Variants in ACVR1C observed in about 807,000 individuals in gnomAD.
The protein encoded by ACVR1C is activin receptor type-1C.
In ACVR1C, 23 loss-of-function variants were observed where a neutral mutation model predicts 57.9. That is an observed-to-expected ratio of 0.40 (90% CI 0.29 to 0.56). The LOEUF is 0.56. Ranked by LOEUF, ACVR1C falls within the 20% of genes least tolerant of loss-of-function variation. ACVR1C has a pLI of 0.50. For synonymous variants in ACVR1C, 214 were observed against 215.3 expected, an observed-to-expected ratio of 0.99 and a Z score of 0.05; for missense variants, 480 against 607.9, an observed-to-expected ratio of 0.79 and a Z score of 2.21.
chr2:157,609,412 C>T (rs1573953422), intron 1 of ACVR1C, among the ~76,000 whole-genome samples: 1 of 151,946 alleles, frequency 6.6e-6, no homozygotes, highest in African/African-American at 2.4e-5. Flanking sequence ...GAAGAATGTG[C>T]CATGTGTTGA....
At chr2:157,562,035 G>A (rs1369966289) in intron 2 of ACVR1C, among the ~76,000 whole-genome samples, 5 of 152,124 alleles carry the variant, frequency 3.3e-5, no homozygotes, top group Non-Finnish European at 5.9e-5. Flanking sequence ...GGTGGCTCAC[G>A]CCTGTAATCC....
At chr2:157,584,328 T>C (rs1306773784) in intron 2 of ACVR1C, among the ~76,000 whole-genome samples, 2 of 152,094 alleles carry the variant, frequency 1.3e-5, no homozygotes, top group African/African-American at 4.8e-5. Flanking sequence ...ATGGTCTCGA[T>C]CTCCCGACCT....
intron 4 of ACVR1C, among the ~76,000 whole-genome samples, chr2:157,545,242 T>G (rs1293258361): frequency 1.3e-5 from 2 of 152,242 alleles, no homozygotes; most frequent in African/African-American, 2.4e-5. Flanking sequence ...AAAACTTTTC[T>G]ACATATTAGT....
intron 1 of ACVR1C, among the ~76,000 whole-genome samples, chr2:157,612,880 C>T (rs999973867): frequency 6.6e-6 from 1 of 152,168 alleles, no homozygotes; most frequent in Admixed American, 6.5e-5. Flanking sequence ...GTTACCAGGG[C>T]AGGATGAATC....
intron 1 of ACVR1C, among the ~76,000 whole-genome samples, chr2:157,615,771 A>G (rs1682632470): frequency 6.6e-6 from 1 of 152,204 alleles, no homozygotes; most frequent in African/African-American, 2.4e-5. Flanking sequence ...ACTTTATTGC[A>G]ATAGGACTGT....
chr2:157,566,419 C>T (rs1008994812), intron 2 of ACVR1C, among the ~76,000 whole-genome samples: 9 of 152,180 alleles, frequency 5.9e-5, no homozygotes, highest in South Asian at 2.1e-4. Context: ...ACGCAGAAGA[C>T]GGGTGATTTC....
intron 8 of ACVR1C, 58 bp downstream of exon 8, chr2:157,538,515 C>T: frequency 7.0e-7 from 1 of 1,424,116 alleles, no homozygotes; most frequent in Non-Finnish European, 9.3e-7. Flanking sequence ...TGAAAAGTCT[C>T]CCCGATACTC....
intron 2 of ACVR1C, among the ~76,000 whole-genome samples, chr2:157,579,414 AC>A (rs1483296968): frequency 6.6e-6 from 1 of 152,026 alleles, no homozygotes; most frequent in Non-Finnish European, 1.5e-5. Flanking sequence ...TTGTTCTTAA[AC>A]CTATCCCTAA....
rs751722811 is a variant in ACVR1C at position 157,556,204 on chromosome 2, T to G, written c.433A>C (p.Lys145Gln). The part of the protein sequence containing the change: ...ACQGRQCSYR[K>Q]KKRPNVEEPL... ...TCCTCCACATTTGGTCTCTTTTTCT[T>G]CCTGTAGGAGCACTGTCGACCCTGG... Residue 145 changes from lysine to glutamine, a missense_variant, in exon 3 of 9, where the codon AAG (lysine) becomes CAG (glutamine). Physicochemically the swap from Lys to Gln is moderately conservative, Grantham distance 53 (BLOSUM62 1). Transcript: ENST00000243349. 13 of 1,614,088 alleles carry G rather than the reference T, an allele frequency of 8.1e-6. No homozygotes were observed. The highest frequency in any genetic ancestry group is 1.1e-5 in the Non-Finnish European group (13 of 1,179,976).
intron 1 of ACVR1C, chr2:157,597,456 G>A: frequency 1.0e-6 from 1 of 985,460 alleles, no homozygotes; most frequent in Non-Finnish European, 1.2e-6. Context: ...GGGACACCCT[G>A]CGGTCGCCGG....
intron 1 of ACVR1C, among the ~76,000 whole-genome samples, chr2:157,591,536 A>G (rs1689054671): frequency 6.6e-6 from 1 of 152,078 alleles, no homozygotes; most frequent in East Asian, 1.9e-4. Flanking sequence ...TAATGTTAAG[A>G]AACTTGCTGC....
At chr2:157,555,498 A>C (rs1457956503) in intron 3 of ACVR1C, among the ~76,000 whole-genome samples, 1 of 152,196 alleles carries the variant, frequency 6.6e-6, no homozygotes, top group Non-Finnish European at 1.5e-5. Flanking sequence ...CAGCCAGCAA[A>C]AGCCAGCACA....
At chr2:157,579,520 C>T (rs1688735420) in intron 2 of ACVR1C, among the ~76,000 whole-genome samples, 1 of 152,104 alleles carries the variant, frequency 6.6e-6, no homozygotes, top group Non-Finnish European at 1.5e-5. Flanking sequence ...TTCCTATTCT[C>T]TAAAAATATT....
intron 1 of ACVR1C, chr2:157,597,523 C>G (rs949684050): frequency 1.0e-6 from 1 of 985,336 alleles, no homozygotes; most frequent in South Asian, 4.7e-5. Flanking sequence ...GACGACAGCT[C>G]CCGCGGGGCT....
chr2:157,584,189 G>A (rs936734477), intron 2 of ACVR1C, among the ~76,000 whole-genome samples: 2 of 148,508 alleles, frequency 1.3e-5, no homozygotes, highest in South Asian at 2.1e-4. Context: ...AAAAAAACCC[G>A]CCTCCTGGGT....
intron 3 of ACVR1C, among the ~76,000 whole-genome samples, chr2:157,553,100 T>C (rs191788423): frequency 3.3e-5 from 5 of 152,336 alleles, no homozygotes; most frequent in Admixed American, 2.6e-4. Context: ...CGCTTCACAG[T>C]TTTTGTTCCT....
chr2:157,532,402 T>C lies in ACVR1C; in HGVS notation c.*1516A>G, dbSNP rs1468255831. The C allele has an allele frequency of 6.6e-6, 1 of 150,486 alleles. No homozygotes were observed. The highest frequency in any genetic ancestry group is 1.5e-5 in the Non-Finnish European group (1 of 67,652). 9.3% of individuals were successfully genotyped at this position (150,486 alleles called of 1,614,324 possible). On this transcript the variant is annotated 3_prime_UTR_variant, in exon 9 of 9. Coordinates refer to ENST00000243349, the MANE Select transcript of ACVR1C (RefSeq NM_145259.3). ...TTTTTTTTTTTTTTACTGTTATCAATAGCATTTACTTCACTCTTCAAAATA... is the reference window on the plus strand; with the variant it reads ...TTTTTTTTTTTTTTACTGTTATCAACAGCATTTACTTCACTCTTCAAAATA...
chr2:157,538,668 T>A lies in ACVR1C; in HGVS notation c.1261A>T (p.Met421Leu). Residue 421 changes from methionine to leucine, a missense_variant, in exon 8 of 9, where the codon ATG becomes TTG. Met to Leu is a conservative substitution (Grantham distance 15, BLOSUM62 2). Transcript: ENST00000243349. ...TCTATCGAGGGATCTGAAGGCACCA[T>A]GTCATAATAAGGCAATTGGTACTCC... is the stretch of plus-strand genomic sequence containing the variant. The part of the protein sequence containing the change: ...VEEYQLPYYD[M>L]VPSDPSIEEM... 8.9e-6 allele frequency: 14 copies of A among 1,565,368 alleles called. No individual in the cohort carries two copies. The highest frequency in any genetic ancestry group is 1.2e-5 in the Non-Finnish European group (14 of 1,157,448).
chr2:157,623,334 G>A (rs1380912397), intron 1 of ACVR1C, among the ~76,000 whole-genome samples: 1 of 152,142 alleles, frequency 6.6e-6, no homozygotes, highest in Non-Finnish European at 1.5e-5. Flanking sequence ...ATTTACAATA[G>A]CTAAGATTAG....
Sources: allele counts gnomAD v4.1 joint callset (sites outside exome capture counted in the v4.1 genomes callset), GRCh38; gene constraint gnomAD v4.1.1; transcripts MANE v1.5; gene names NCBI Gene and HGNC (gene_info 2026-07-23, HGNC 2026-07-21).